GRIA2: variants seen among roughly 807,000 people sequenced by gnomAD.
The protein encoded by GRIA2 is glutamate ionotropic receptor AMPA type subunit 2.
In GRIA2, 14 loss-of-function variants were observed where a neutral mutation model predicts 97.3. The observed-to-expected ratio is 0.14, with a 90% CI of 0.10 to 0.23. The LOEUF (loss-of-function observed/expected upper bound fraction) is 0.23. Ranked by LOEUF, GRIA2 falls within the 10% of genes least tolerant of loss-of-function variation. The pLI, the probability that GRIA2 is intolerant of heterozygous loss-of-function variation, is 1.00. For synonymous variants in GRIA2, 412 were observed against 387.8 expected (o/e 1.06, Z -0.73); for missense variants, 558 against 1,069.8 (o/e 0.52, Z 6.67).
intron 8 of GRIA2, among the ~76,000 whole-genome samples, 183 bp downstream of exon 8, chr4:157,333,536 A>T (rs1179349727): frequency 2.6e-5 from 4 of 152,010 alleles, no homozygotes; most frequent in Admixed American, 1.3e-4. Context: ...GTAACATTGA[A>T]TTGTAATTTT....
chr4:157,334,745 AT>A (rs1358876483), intron 9 of GRIA2: 1 of 152,100 alleles, frequency 6.6e-6, no homozygotes, highest in East Asian at 1.9e-4. Flanking sequence ...ATAGGACAGA[AT>A]TTTGTGACAA....
rs112367090 is a variant in GRIA2 at position 157,362,578 on chromosome 4, A to G, written c.2407-221A>G. Reference sequence around the variant, plus strand: ...GAATAAATAGAAGTTTATTCCCTGCAGGTAGTCGATTGAGTCCACCAAAAT... The same window carrying G: ...GAATAAATAGAAGTTTATTCCCTGCGGGTAGTCGATTGAGTCCACCAAAAT... On this transcript the variant is annotated intron_variant, in intron 14 of 15. Coordinates refer to ENST00000264426, the MANE Select transcript of GRIA2 (RefSeq NM_001083619.3). 6.7e-4 allele frequency: 407 copies of G among 608,126 alleles called. 3 individuals are homozygous for G. The highest frequency in any genetic ancestry group is 6.6e-3 in the African/African-American group (360 of 54,538). The allele number at this position is 608,126 out of a possible 1,614,324, so 37.7% of individuals were successfully genotyped here.
intron 12 of GRIA2, among the ~76,000 whole-genome samples, chr4:157,345,324 T>C (rs754210678): frequency 6.6e-6 from 1 of 152,050 alleles, no homozygotes; most frequent in Non-Finnish European, 1.5e-5. Context: ...AATTAGTCTA[T>C]GTCTTCATTT....
Position 157,335,665 on chromosome 4 carries a change from A to G in GRIA2, c.1267-6A>G. On this transcript the variant is annotated splice_polypyrimidine_tract_variant and splice_region_variant and intron_variant, in intron 9 of 15. Transcript: ENST00000264426. ...TAATCAGCTAAAGCAAAGTCTTTTC[A>G]TATAGGAATCTCCGTATGTTATGAT... 1.9e-6 allele frequency: 3 copies of G among 1,557,848 alleles called. No homozygotes were observed. Among genetic ancestry groups the G allele is most frequent in the Non-Finnish European group, 1.8e-6 (2 of 1,129,154 alleles).
intron 12 of GRIA2, among the ~76,000 whole-genome samples, chr4:157,352,737 A>AAAAC (rs1553958246): frequency 8.0e-5 from 12 of 150,124 alleles, no homozygotes; most frequent in African/African-American, 2.5e-4. Flanking sequence ...AAAAAAAAAA[A>AAAAC]ACACACACAA....
rs1448985084 is a variant in GRIA2, at chr4:157,363,603, A to G, written c.*172A>G. On this transcript the variant is annotated 3_prime_UTR_variant, in exon 16 of 16. Transcript: ENST00000264426. ...CAGTGTGACTGATCTCTCGTGATTG[A>G]TAAGAACCTTTTGAGTGCCTTACAC... The G allele has an allele frequency of 1.6e-6, 2 of 1,231,008 alleles. No individual in the cohort carries two copies. Among genetic ancestry groups the G allele is most frequent in the East Asian group, 3.2e-5 (1 of 31,674 alleles). The allele number at this position is 1,231,008 out of a possible 1,614,324, so 76.3% of individuals were successfully genotyped here.
chr4:157,288,124 A>AT (rs962184348), intron 2 of GRIA2, among the ~76,000 whole-genome samples: 20 of 151,114 alleles, frequency 1.3e-4, no homozygotes, highest in Admixed American at 1.3e-4. Context: ...TCAAAGTATA[A>AT]TTTTTTTTTA....
chr4:157,273,631 G>A (rs1732139039), intron 2 of GRIA2, among the ~76,000 whole-genome samples: 1 of 151,892 alleles, frequency 6.6e-6, no homozygotes, highest in Admixed American at 6.6e-5. Flanking sequence ...AATGACTGAG[G>A]AAAGAATATC....
In GRIA2 at chr4:157,364,286, T is replaced by A. The variant is rs930382528; in HGVS notation, c.*855T>A. On this transcript the variant is annotated 3_prime_UTR_variant, in exon 16 of 16. Transcript: ENST00000264426. ...TGAAATAAACATTTTTCTATTGTTTTATTGCAAGTGGTCCAATTAATTTTG... is the reference window on the plus strand; with the variant it reads ...TGAAATAAACATTTTTCTATTGTTTAATTGCAAGTGGTCCAATTAATTTTG... The A allele has an allele frequency of 5.9e-5, 9 of 152,594 alleles. No individual in the cohort carries two copies. The Admixed American group carries it at 5.9e-4, about 10-fold the overall frequency. 9.5% of individuals were successfully genotyped at this position (152,594 alleles called of 1,614,324 possible).
intron 2 of GRIA2, among the ~76,000 whole-genome samples, chr4:157,244,594 G>C (rs975741776): frequency 3.6e-4 from 55 of 152,126 alleles, no homozygotes; most frequent in African/African-American, 1.3e-3. Flanking sequence ...GCAACAAAGA[G>C]TTTTTATTCT....
intron 2 of GRIA2, among the ~76,000 whole-genome samples, chr4:157,283,395 T>C (rs971716850): frequency 2.0e-5 from 3 of 151,884 alleles, no homozygotes; most frequent in African/African-American, 4.8e-5. Flanking sequence ...CCATAATGAG[T>C]GTGAGGAAGA....
intron 6 of GRIA2, among the ~76,000 whole-genome samples, chr4:157,321,983 C>T (rs575720646): frequency 1.3e-5 from 2 of 151,980 alleles, no homozygotes; most frequent in East Asian, 1.9e-4. Flanking sequence ...AAGAATGCCA[C>T]GAGGGAAGAG....
chr4:157,235,089 A>T lies in GRIA2; in HGVS notation c.229+13282A>T, dbSNP rs376033801. Among the ~76,000 whole-genome samples the T allele has an allele frequency of 2.0e-4, 31 of 152,250 alleles. 1 individual carries two copies. The highest frequency in any genetic ancestry group is 3.4e-3 in the Middle Eastern group (1 of 294). On this transcript the variant is annotated intron_variant, in intron 2 of 15. Coordinates refer to ENST00000264426, the MANE Select transcript of GRIA2 (RefSeq NM_001083619.3). ...CCTTTGGTCAAAATTACTCTTTTAAAGCAAATCTGTATATTTACACAACAG... is the reference window on the plus strand; with the variant it reads ...CCTTTGGTCAAAATTACTCTTTTAATGCAAATCTGTATATTTACACAACAG...
At chr4:157,338,031 T>C (rs1560773164) in intron 11 of GRIA2, among the ~76,000 whole-genome samples, 1 of 12,138 alleles carries the variant, frequency 8.2e-5, no homozygotes, top group Non-Finnish European at 3.3e-4. Flanking sequence ...TATATATATA[T>C]ATATATATAT....
intron 5 of GRIA2, among the ~76,000 whole-genome samples, chr4:157,319,076 T>C (rs1734444374): frequency 6.6e-6 from 1 of 152,194 alleles, no homozygotes; most frequent in African/African-American, 2.4e-5. Flanking sequence ...AATGGGTAAC[T>C]ACTATAAAAA....
intron 2 of GRIA2, among the ~76,000 whole-genome samples, chr4:157,287,715 A>G (rs902374053): frequency 6.7e-6 from 1 of 148,510 alleles, no homozygotes; most frequent in African/African-American, 2.5e-5. Flanking sequence ...TTTTTTTTTT[A>G]TTTCATCCCC....
intron 2 of GRIA2, among the ~76,000 whole-genome samples, chr4:157,230,896 C>T (rs921608466): frequency 2.3e-4 from 35 of 151,962 alleles, no homozygotes; most frequent in African/African-American, 6.5e-4. Context: ...CTCTGTTCCC[C>T]AGGCTGGAGT....
rs201867927 is a variant in GRIA2 at position 157,303,722 on chromosome 4, G to A, written c.400G>A (p.Gly134Arg). The A allele has an allele frequency of 7.4e-6, 12 of 1,613,938 alleles. No homozygotes were observed. In the East Asian group the frequency reaches 2.7e-4, roughly 36 times the overall value. The part of the protein sequence containing the change: ...FVIQMRPDLK[G>R]ALLSLIEYYQ... ...CATTCAGATGAGACCCGACCTCAAA[G>A]GAGCTCTCCTTAGCTTGATTGAATA... Residue 134 changes from glycine to arginine, a missense_variant, in exon 3 of 16, where the codon GGA (glycine) becomes AGA (arginine). Gly to Arg is a moderately radical substitution (Grantham distance 125, BLOSUM62 -2). Around this residue, in one of 8 missense-constraint regions of GRIA2, gnomAD observed 96 missense variants for 176.6 expected, o/e 0.54. Transcript: ENST00000264426.
chr4:157,296,378 G>C (rs1338425652), intron 2 of GRIA2, among the ~76,000 whole-genome samples: 24 of 151,998 alleles, frequency 1.6e-4, no homozygotes, highest in Admixed American at 1.2e-3. Context: ...TTATGTCTTT[G>C]CTAGACCATT....
Sources: allele counts gnomAD v4.1 joint callset (sites outside exome capture counted in the v4.1 genomes callset), GRCh38; gene constraint gnomAD v4.1.1; regional missense constraint gnomAD v4.1.1; transcripts MANE v1.5; gene names NCBI Gene and HGNC (gene_info 2026-07-23, HGNC 2026-07-21).